Variants in ANO10 observed in about 807,000 individuals in gnomAD.
ANO10 encodes anoctamin 10.
Under a neutral mutation model 74.7 loss-of-function variants are expected in ANO10, and 77 were observed. The observed-to-expected ratio is 1.03, with a 90% confidence interval of 0.86 to 1.25. The LOEUF is 1.25. Ranked by LOEUF, ANO10 falls within the 50% of genes most tolerant of loss-of-function variation. The pLI, the probability that ANO10 is intolerant of heterozygous loss-of-function variation, is 0.00. For synonymous variants in ANO10, 279 were observed against 284.9 expected, an observed-to-expected ratio of 0.98 and a Z score of 0.21; for missense variants, 721 against 778.1, an observed-to-expected ratio of 0.93 and a Z score of 0.87.
chr3:43,515,260 T>C (rs2077662654), intron 11 of ANO10, among the ~76,000 whole-genome samples: 2 of 152,172 alleles, frequency 1.3e-5, no homozygotes, highest in African/African-American at 2.4e-5. Flanking sequence ...TTTGAATCCA[T>C]AGACTGAATA....
chr3:43,467,670 T>A (rs1398520310), intron 11 of ANO10, among the ~76,000 whole-genome samples: 1 of 152,170 alleles, frequency 6.6e-6, no homozygotes, highest in Admixed American at 6.5e-5. Flanking sequence ...TGGTGGTGAT[T>A]TTGGATGTAT....
At chr3:43,372,345 G>A (rs1400778378) in intron 12 of ANO10, among the ~76,000 whole-genome samples, 1 of 152,106 alleles carries the variant, frequency 6.6e-6, no homozygotes, top group Non-Finnish European at 1.5e-5. Context: ...CGGCACCCCA[G>A]ACCATCCCAC....
chr3:43,483,846 T>C (rs1185354118), intron 11 of ANO10, among the ~76,000 whole-genome samples: 1 of 152,224 alleles, frequency 6.6e-6, no homozygotes, highest in Non-Finnish European at 1.5e-5. Flanking sequence ...TCCAACATTT[T>C]CTGATTAGCA....
intron 1 of ANO10, among the ~76,000 whole-genome samples, chr3:43,660,526 G>C (rs1302209172): frequency 6.6e-6 from 1 of 152,022 alleles, no homozygotes; most frequent in African/African-American, 2.4e-5. Context: ...ATGAAATAAA[G>C]CAAGAAGACA....
At chr3:43,587,161 G>C (rs1210281841) in intron 4 of ANO10, among the ~76,000 whole-genome samples, 1 of 152,150 alleles carries the variant, frequency 6.6e-6, no homozygotes, top group Non-Finnish European at 1.5e-5. Context: ...TGGAAATGCA[G>C]ACAAATAAGA....
intron 11 of ANO10, among the ~76,000 whole-genome samples, chr3:43,486,348 G>T (rs929346244): frequency 1.6e-4 from 24 of 151,946 alleles, no homozygotes; most frequent in African/African-American, 3.6e-4. Flanking sequence ...GTGAAGAAAG[G>T]CATTGGTAGC....
rs562560611 is a variant in ANO10 at position 43,620,964 on chromosome 3, A to T, written c.-12+945T>A. The stretch of plus-strand genomic sequence containing the variant: ...GAATTTTAAACTGTTTATCATGCAG[A>T]ATGGGCCCTTAGAAAACATCTAGTC... On this transcript the variant is annotated intron_variant, in intron 1 of 12. Coordinates refer to ENST00000292246, the MANE Select transcript of ANO10 (RefSeq NM_018075.5). Among the ~76,000 whole-genome samples, 7 of 152,338 alleles carry T rather than the reference A, an allele frequency of 4.6e-5. No individual in the cohort carries two copies. The East Asian group carries it at 1.2e-3, about 25-fold the overall frequency.
At chr3:43,448,090 C>G (rs2093275359) in intron 11 of ANO10, among the ~76,000 whole-genome samples, 1 of 152,204 alleles carries the variant, frequency 6.6e-6, no homozygotes, top group South Asian at 2.1e-4. Flanking sequence ...AGACCTAGAG[C>G]TTCCTCTGTC....
At chr3:43,382,450 C>T (rs1356644998) in intron 12 of ANO10, among the ~76,000 whole-genome samples, 6 of 149,638 alleles carry the variant, frequency 4.0e-5, no homozygotes, top group Admixed American at 4.0e-4. Context: ...ACCCGGGAGG[C>T]GGAGCTTGCA....
At chr3:43,610,923 ATT>A (rs1250967389) in intron 1 of ANO10, among the ~76,000 whole-genome samples, 2 of 152,202 alleles carry the variant, frequency 1.3e-5, no homozygotes, top group Non-Finnish European at 2.9e-5. Context: ...AAGAACCTGC[ATT>A]TTTAGGATAA....
At chr3:43,454,019 A>G (rs2075011871) in intron 11 of ANO10, among the ~76,000 whole-genome samples, 1 of 152,218 alleles carries the variant, frequency 6.6e-6, no homozygotes, top group Non-Finnish European at 1.5e-5. Context: ...TTTATGAAAC[A>G]AAGAAGAGGA....
intron 12 of ANO10, among the ~76,000 whole-genome samples, chr3:43,401,744 T>TA (rs2092485369): frequency 6.6e-6 from 1 of 152,230 alleles, no homozygotes; most frequent in African/African-American, 2.4e-5. Context: ...ATAGGTGTAA[T>TA]AAATAAGATA....
At chr3:43,617,445 C>T (rs553413065) in intron 1 of ANO10, among the ~76,000 whole-genome samples, 2 of 152,172 alleles carry the variant, frequency 1.3e-5, no homozygotes, top group African/African-American at 2.4e-5. Context: ...TATGAGACAG[C>T]GATCCCAAAT....
At chr3:43,497,407 T>G (rs777846712) in intron 11 of ANO10, among the ~76,000 whole-genome samples, 1 of 152,230 alleles carries the variant, frequency 6.6e-6, no homozygotes, top group African/African-American at 2.4e-5. Context: ...TTCTTTTGCC[T>G]CCTCTTTCTT....
intron 7 of ANO10, among the ~76,000 whole-genome samples, chr3:43,573,061 C>T (rs1444212850): frequency 6.6e-6 from 1 of 151,712 alleles, no homozygotes; most frequent in Non-Finnish European, 1.5e-5. Flanking sequence ...AATAAAGTCT[C>T]ATAAATAACT....
At chr3:43,636,363 G>C (rs1471182590) in intron 1 of ANO10, 1 of 152,260 alleles carries the variant, frequency 6.6e-6, no homozygotes, top group Non-Finnish European at 1.5e-5. Flanking sequence ...CCTGCCACCA[G>C]AACAGCCCTC....
chr3:43,465,244 A>C (rs181331025), intron 11 of ANO10, among the ~76,000 whole-genome samples: 83 of 152,320 alleles, frequency 5.4e-4, no homozygotes, highest in Non-Finnish European at 9.6e-4. Context: ...ATTCTGGGAA[A>C]TGTGTCATTA....
At chr3:43,598,918 A>C (rs531905959) in intron 3 of ANO10, among the ~76,000 whole-genome samples, 3 of 152,340 alleles carry the variant, frequency 2.0e-5, no homozygotes, top group East Asian at 1.9e-4. Context: ...AACATTCAAG[A>C]AGCATATAAT....
At chr3:43,550,725 C>T (rs950150110) in intron 10 of ANO10, among the ~76,000 whole-genome samples, 5 of 152,080 alleles carry the variant, frequency 3.3e-5, no homozygotes, top group Admixed American at 2.6e-4. Context: ...CTAAGACTGT[C>T]TTTACTTTAG....
Sources: allele counts gnomAD v4.1 joint callset (sites outside exome capture counted in the v4.1 genomes callset), GRCh38; gene constraint gnomAD v4.1.1; transcripts MANE v1.5; gene names NCBI Gene and HGNC (gene_info 2026-07-23, HGNC 2026-07-21).